Variants in SNX29 observed in about 807,000 individuals in gnomAD.
SNX29 encodes the protein sorting nexin-29.
In SNX29, 78 loss-of-function variants were observed where a neutral mutation model predicts 102.1. That is an observed-to-expected ratio of 0.76 (90% confidence interval 0.64 to 0.92). SNX29 has a LOEUF of 0.92. Among genes scored for constraint, SNX29 ranks in the 40% least tolerant of loss-of-function variants. The pLI, the probability that SNX29 is intolerant of heterozygous loss-of-function variation, is 0.00. For missense variants in SNX29, 1,280 were observed against 1,061.7 expected, an observed-to-expected ratio of 1.21 and a Z score of -2.86; for synonymous variants, 580 against 414.5, an observed-to-expected ratio of 1.40 and a Z score of -4.85.
At chr16:12,368,273 G>A (rs544498288) in intron 16 of SNX29, among the ~76,000 whole-genome samples, 1 of 152,332 alleles carries the variant, frequency 6.6e-6, no homozygotes, top group African/African-American at 2.4e-5. Flanking sequence ...GAAGATCAAA[G>A]TTTCGTGTCA....
intron 20 of SNX29, among the ~76,000 whole-genome samples, chr16:12,559,336 A>G (rs1450243724): frequency 6.6e-6 from 1 of 151,792 alleles, no homozygotes; most frequent in African/African-American, 2.4e-5. Context: ...TGAGGGATCT[A>G]GGCTGCATGC....
chr16:12,261,843 G>A (rs1220882249), intron 14 of SNX29, among the ~76,000 whole-genome samples: 7 of 134,684 alleles, frequency 5.2e-5, no homozygotes, highest in Non-Finnish European at 1.1e-4. Flanking sequence ...TCTGAGCTCC[G>A]GTCTGTGCGT....
At chr16:12,554,452 C>T (rs906280711) in intron 20 of SNX29, among the ~76,000 whole-genome samples, 3 of 152,224 alleles carry the variant, frequency 2.0e-5, no homozygotes, top group African/African-American at 7.2e-5. Context: ...ACCTGCCATG[C>T]CAGGTCCATG....
At chr16:12,090,304 C>A (rs1383295313) in intron 11 of SNX29, 3 of 152,378 alleles carry the variant, frequency 2.0e-5, no homozygotes, top group Admixed American at 6.5e-5. Flanking sequence ...GGAGCCTTCT[C>A]AGCTACCTGG....
At chr16:12,289,008 T>C (rs933785352) in intron 15 of SNX29, among the ~76,000 whole-genome samples, 7 of 152,194 alleles carry the variant, frequency 4.6e-5, no homozygotes, top group African/African-American at 1.7e-4. Flanking sequence ...TAGTTCTAAG[T>C]GGAGCCAGGA....
intron 3 of SNX29, among the ~76,000 whole-genome samples, chr16:12,009,479 G>GTATATA (rs111876876): frequency 6.7e-6 from 1 of 150,014 alleles, no homozygotes. Flanking sequence ...GTGTGTGTGT[G>GTATATA]TATATATATA....
At chr16:12,535,165 G>A (rs1005515231) in intron 20 of SNX29, among the ~76,000 whole-genome samples, 1 of 152,162 alleles carries the variant, frequency 6.6e-6, no homozygotes, top group Non-Finnish European at 1.5e-5. Flanking sequence ...TTGAGACAGA[G>A]TCTCACTCTG....
At chr16:12,245,043 G>A (rs2078220182) in intron 14 of SNX29, among the ~76,000 whole-genome samples, 2 of 152,186 alleles carry the variant, frequency 1.3e-5, no homozygotes, top group Non-Finnish European at 1.5e-5. Context: ...AAAGGGCATA[G>A]TTTTCTTACA....
intron 20 of SNX29, among the ~76,000 whole-genome samples, 180 bp from the exon 21 acceptor site, chr16:12,568,326 T>C (rs1598125444): frequency 7.7e-6 from 1 of 129,416 alleles, no homozygotes; most frequent in East Asian, 2.6e-4. Context: ...AATGGAAAGG[T>C]TTACGTGACA....
At chr16:12,073,618 G>A (rs1323541252) in intron 10 of SNX29, among the ~76,000 whole-genome samples, 1 of 152,140 alleles carries the variant, frequency 6.6e-6, no homozygotes, top group Non-Finnish European at 1.5e-5. Flanking sequence ...TAGATGTGGT[G>A]TGGTGCTGAA....
At chr16:12,535,431 C>T (rs759612358) in intron 20 of SNX29, among the ~76,000 whole-genome samples, 9 of 152,204 alleles carry the variant, frequency 5.9e-5, no homozygotes, top group South Asian at 2.1e-4. Context: ...TGCGCCTGGC[C>T]AGCTTTTCAT....
chr16:12,151,747 GTTTT>G (rs1467212140), intron 13 of SNX29, among the ~76,000 whole-genome samples: 1 of 151,968 alleles, frequency 6.6e-6, no homozygotes, highest in Non-Finnish European at 1.5e-5. Flanking sequence ...TGTTTGTTTT[GTTTT>G]TTGAGACAGA....
intron 18 of SNX29, among the ~76,000 whole-genome samples, chr16:12,462,064 T>C (rs554159952): frequency 7.6e-6 from 1 of 132,160 alleles, no homozygotes; most frequent in South Asian, 2.6e-4. Context: ...TGAGAAAATA[T>C]CCAGACCAGT....
At chr16:12,018,324 T>G (rs2056910424) in intron 3 of SNX29, among the ~76,000 whole-genome samples, 1 of 151,998 alleles carries the variant, frequency 6.6e-6, no homozygotes, top group Non-Finnish European at 1.5e-5. Flanking sequence ...ACACCTGTAG[T>G]CCTAGCACTT....
chr16:12,224,077 A>G (rs113180672), intron 14 of SNX29, among the ~76,000 whole-genome samples: 3,946 of 152,122 alleles, frequency 0.026, 114 homozygotes, highest in African/African-American at 0.072. Context: ...TCCCCTAGCC[A>G]GCATGCAGTT....
chr16:12,293,086 AT>A (rs1247761081), intron 15 of SNX29, among the ~76,000 whole-genome samples: 15 of 152,338 alleles, frequency 9.8e-5, no homozygotes, highest in Non-Finnish European at 1.9e-4. Flanking sequence ...TTGCAGGGGC[AT>A]CATATACATC....
At chr16:12,089,408 A>G (rs1369278844) in intron 11 of SNX29, among the ~76,000 whole-genome samples, 1 of 152,190 alleles carries the variant, frequency 6.6e-6, no homozygotes, top group Non-Finnish European at 1.5e-5. Context: ...ATAGTATAAT[A>G]TGATCGCCAC....
At chr16:12,567,332 T>C (rs1046668919) in intron 20 of SNX29, among the ~76,000 whole-genome samples, 3 of 152,166 alleles carry the variant, frequency 2.0e-5, no homozygotes, top group African/African-American at 7.2e-5. Flanking sequence ...GACGCAGGAG[T>C]GGACATGGAT....
At chr16:11,978,608 A>T (rs556893935) in intron 1 of SNX29, among the ~76,000 whole-genome samples, 1 of 152,206 alleles carries the variant, frequency 6.6e-6, no homozygotes, top group African/African-American at 2.4e-5. Flanking sequence ...TTATGAGAGG[A>T]GGGCTGGGAC....
Sources: gnomAD v4.1 joint callset for allele counts (sites outside exome capture counted in the v4.1 genomes callset) on GRCh38, gnomAD v4.1.1 for gene constraint, MANE v1.5 for transcripts, NCBI Gene and HGNC (gene_info 2026-07-23, HGNC 2026-07-21) for gene names.